Variants in SLC25A42 observed in about 807,000 individuals in gnomAD.
SLC25A42 encodes the protein mitochondrial coenzyme A transporter SLC25A42.
In SLC25A42, 19 loss-of-function variants were observed where a neutral mutation model predicts 34.7. The observed-to-expected ratio is 0.55, with a 90% CI of 0.38 to 0.80. The LOEUF is 0.80. Among genes scored for constraint, SLC25A42 ranks in the 30% least tolerant of loss-of-function variants. The probability of loss-of-function intolerance (pLI) is 0.00; values close to 1 mark genes in which losing one functional copy is unlikely to be tolerated. For synonymous variants in SLC25A42, 205 were observed against 191.2 expected (o/e 1.07, Z -0.59); for missense variants, 364 against 441.3 (o/e 0.82, Z 1.57).
At chr19:19,074,794 G>A (rs963209668) in intron 1 of SLC25A42, among the ~76,000 whole-genome samples, 1 of 151,984 alleles carries the variant, frequency 6.6e-6, no homozygotes, top group African/African-American at 2.4e-5. Context: ...TATGTATTAG[G>A]ATAGCCTGTG....
At chr19:19,070,991 CTTTTTTT>C (rs35787720) in intron 1 of SLC25A42, among the ~76,000 whole-genome samples, 2 of 117,208 alleles carry the variant, frequency 1.7e-5, no homozygotes, top group African/African-American at 6.9e-5. Context: ...TGCATACCGT[CTTTTTTT>C]TTTTTTTTTT....
chr19:19,104,805 G>T (rs1207919303), intron 3 of SLC25A42, 108 bp from the exon 4 acceptor site: 4 of 1,276,522 alleles, frequency 3.1e-6, no homozygotes, highest in Non-Finnish European at 2.3e-6. Flanking sequence ...GACAAGATTG[G>T]GGGGAAAAGG....
intron 3 of SLC25A42, among the ~76,000 whole-genome samples, chr19:19,102,901 G>A (rs980538849): frequency 6.6e-6 from 1 of 152,096 alleles, no homozygotes; most frequent in Non-Finnish European, 1.5e-5. Flanking sequence ...GAAGTCTGAA[G>A]TGAAGGTGTG....
chr19:19,105,031 A>C, intron 4 of SLC25A42, 93 bp downstream of exon 4: 13 of 1,453,780 alleles, frequency 8.9e-6, no homozygotes, highest in Non-Finnish European at 1.3e-5. Context: ...GGAGAGTCTC[A>C]GGGGTGGGGA....
chr19:19,086,619 G>C (rs534846339), intron 1 of SLC25A42, among the ~76,000 whole-genome samples: 1 of 152,030 alleles, frequency 6.6e-6, no homozygotes, highest in South Asian at 2.1e-4. Context: ...CATGTTGTGT[G>C]GTTTTGGGGG....
intron 2 of SLC25A42, 139 bp downstream of exon 2, chr19:19,096,344 T>C: frequency 1.6e-6 from 1 of 645,058 alleles, no homozygotes; most frequent in East Asian, 2.8e-5. Context: ...CTGTGCTCCA[T>C]GCAGCCCATC....
chr19:19,069,485 C>T (rs1318392451), intron 1 of SLC25A42, among the ~76,000 whole-genome samples: 1 of 152,198 alleles, frequency 6.6e-6, no homozygotes, highest in African/African-American at 2.4e-5. Context: ...GCCTAAAGTC[C>T]AAAATGAAGG....
At chr19:19,087,083 G>A (rs561731832) in intron 1 of SLC25A42, among the ~76,000 whole-genome samples, 6 of 152,162 alleles carry the variant, frequency 3.9e-5, no homozygotes, top group Non-Finnish European at 7.4e-5. Context: ...TTCCGTAACT[G>A]TAACTCTGTT....
At chr19:19,098,082 A>G (rs1036233523) in intron 2 of SLC25A42, among the ~76,000 whole-genome samples, 1 of 152,090 alleles carries the variant, frequency 6.6e-6, no homozygotes, top group East Asian at 1.9e-4. Flanking sequence ...CTTTCGTAGG[A>G]TCTCCCCACG....
At chr19:19,085,175 T>G (rs2059700932) in intron 1 of SLC25A42, among the ~76,000 whole-genome samples, 1 of 152,064 alleles carries the variant, frequency 6.6e-6, no homozygotes, top group Non-Finnish European at 1.5e-5. Context: ...AAAGAGGAAC[T>G]ACGGTGCCCC....
intron 1 of SLC25A42, among the ~76,000 whole-genome samples, chr19:19,088,421 T>G (rs2059720139): frequency 6.6e-6 from 1 of 151,980 alleles, no homozygotes; most frequent in South Asian, 2.1e-4. Context: ...TTAGCCAGGA[T>G]GGACTCGATC....
In SLC25A42 at chr19:19,107,897, C is replaced by T. The variant is rs762305637; in HGVS notation, c.501C>T (p.Tyr167=). ...CTGGGCTGCTCTGTCCTGGCAGGTA[C>T]AGCAACATCTTTCATGTCTTCATCC... The part of the protein sequence containing the change: ...ARMAVTPKEM[Y]SNIFHVFIRI... Residue 167 remains tyrosine (Y), a synonymous_variant, in exon 7 of 8, where the codon TAC becomes TAT. Coordinates refer to ENST00000318596, the MANE Select transcript of SLC25A42 (RefSeq NM_178526.5). The T allele has an allele frequency of 2.5e-6, 4 of 1,613,952 alleles. No individual in the cohort carries two copies. In the African/African-American group the frequency reaches 5.3e-5, roughly 22 times the overall value.
intron 1 of SLC25A42, among the ~76,000 whole-genome samples, chr19:19,078,925 C>G (rs918305254): frequency 8.6e-5 from 13 of 152,004 alleles, no homozygotes; most frequent in African/African-American, 3.1e-4. Flanking sequence ...GCTCTTGGCT[C>G]ATTGTGAGCG....
chr19:19,095,956 CCGTGGCTGCGGAATGCAGT>C (rs1568518201), intron 1 of SLC25A42, 116 bp from the exon 2 acceptor site: 4 of 709,394 alleles, frequency 5.6e-6, no homozygotes, highest in Non-Finnish European at 1.0e-5. Flanking sequence ...ACACACAGGA[CCGTGGCTGCGGAATGCAGT>C]TGAGGGCATC....
At chr19:19,073,364 C>T (rs1251194622) in intron 1 of SLC25A42, among the ~76,000 whole-genome samples, 2 of 152,286 alleles carry the variant, frequency 1.3e-5, no homozygotes, top group East Asian at 3.9e-4. Flanking sequence ...CCACAGACTG[C>T]TCAGTGCAGG....
At chr19:19,087,120 C>T (rs1055485056) in intron 1 of SLC25A42, among the ~76,000 whole-genome samples, 1 of 152,122 alleles carries the variant, frequency 6.6e-6, no homozygotes, top group Admixed American at 6.6e-5. Flanking sequence ...CTTCCCATTT[C>T]CCCCTGCTCC....
At chr19:19,107,841 C>A in intron 6 of SLC25A42, 53 bp from the exon 7 acceptor site, 1 of 1,608,932 alleles carries the variant, frequency 6.2e-7, no homozygotes. Flanking sequence ...TGTGGCTCCT[C>A]CCTGTGCCTG....
chr19:19,100,744 G>A (rs906755546), intron 2 of SLC25A42, among the ~76,000 whole-genome samples: 1 of 152,168 alleles, frequency 6.6e-6, no homozygotes, highest in African/African-American at 2.4e-5. Context: ...GTGGCACCAC[G>A]GGGACAGGAA....
At chr19:19,079,378 C>G (rs933557183) in intron 1 of SLC25A42, among the ~76,000 whole-genome samples, 1 of 151,946 alleles carries the variant, frequency 6.6e-6, no homozygotes, top group African/African-American at 2.4e-5. Context: ...TTTTCATCAC[C>G]CCCAAAAGGA....
Sources: allele counts gnomAD v4.1 joint callset (sites outside exome capture counted in the v4.1 genomes callset), GRCh38; gene constraint gnomAD v4.1.1; transcripts MANE v1.5; gene names NCBI Gene and HGNC (gene_info 2026-07-23, HGNC 2026-07-21).